The following GLIS3 variants were observed in gnomAD, a reference collection of about 807,000 sequenced individuals.
GLIS3 encodes zinc finger protein GLIS3.
Under a neutral mutation model 78.6 loss-of-function variants are expected in GLIS3, and 53 were observed. The ratio of observed to expected loss-of-function variants is 0.67; its 90% confidence interval spans 0.54 to 0.85. The LOEUF is 0.85. Among genes scored for constraint, GLIS3 ranks in the 40% least tolerant of loss-of-function variants. The pLI, the probability that GLIS3 is intolerant of heterozygous loss-of-function variation, is 0.00. For missense variants in GLIS3, 1,703 were observed against 1,231.1 expected, an observed-to-expected ratio of 1.38 and a Z score of -5.74; for synonymous variants, 684 against 509.9, an observed-to-expected ratio of 1.34 and a Z score of -4.60.
chr9:3,988,637 T>A (rs982296440), intron 4 of GLIS3, among the ~76,000 whole-genome samples: 1 of 152,008 alleles, frequency 6.6e-6, no homozygotes, highest in African/African-American at 2.4e-5. Flanking sequence ...CAAAGATGCA[T>A]AATCAACTCA....
intron 2 of GLIS3, among the ~76,000 whole-genome samples, chr9:4,334,900 C>G (rs1817734729): frequency 7.1e-6 from 1 of 141,250 alleles, no homozygotes; most frequent in African/African-American, 2.6e-5. Context: ...GAAATCATTT[C>G]CACCTTTTTT....
chr9:4,199,568 T>TAA (rs796611550), intron 2 of GLIS3, among the ~76,000 whole-genome samples: 6 of 144,822 alleles, frequency 4.1e-5, no homozygotes, highest in African/African-American at 1.5e-4. Context: ...AGGTAATACA[T>TAA]AAAAAAAAAA....
chr9:3,959,580 C>G (rs1264182750), intron 4 of GLIS3, among the ~76,000 whole-genome samples: 1 of 152,086 alleles, frequency 6.6e-6, no homozygotes, highest in African/African-American at 2.4e-5. Flanking sequence ...GTGACAAAAT[C>G]CCTTCCCTCA....
At chr9:4,194,241 G>C (rs1435256664) in intron 2 of GLIS3, among the ~76,000 whole-genome samples, 1 of 151,918 alleles carries the variant, frequency 6.6e-6, no homozygotes, top group African/African-American at 2.4e-5. Flanking sequence ...TTGTATTTTA[G>C]TAGAGACGGG....
chr9:4,047,467 T>A (rs1052524095), intron 4 of GLIS3, among the ~76,000 whole-genome samples: 4 of 152,194 alleles, frequency 2.6e-5, no homozygotes, highest in Admixed American at 2.6e-4. Context: ...TCTGTTCATT[T>A]CACTAATTTC....
intron 2 of GLIS3, among the ~76,000 whole-genome samples, chr9:4,263,161 A>G (rs997765743): frequency 2.6e-5 from 4 of 152,314 alleles, no homozygotes; most frequent in Non-Finnish European, 5.9e-5. Context: ...CCCTTTTAAA[A>G]GTGTTCCACA....
At chr9:4,357,670 A>T in the GLIS3 span, among the ~76,000 whole-genome samples, 1 of 152,074 alleles carries the variant, frequency 6.6e-6, no homozygotes, top group Non-Finnish European at 1.5e-5. Context: ...ACATCATTCA[A>T]CTTTCAACTT....
intron 4 of GLIS3, among the ~76,000 whole-genome samples, chr9:4,105,312 G>A (rs1452447784): frequency 2.0e-5 from 3 of 152,184 alleles, no homozygotes; most frequent in African/African-American, 7.2e-5. Context: ...TCTTGGCTAA[G>A]TGAGAATCCA....
the GLIS3 span, among the ~76,000 whole-genome samples, chr9:4,366,625 A>C: frequency 6.6e-6 from 1 of 152,198 alleles, no homozygotes; most frequent in Non-Finnish European, 1.5e-5. Context: ...TTCCTGTAAG[A>C]GAGCTGTTTT....
chr9:4,256,436 T>G (rs1322320193), intron 2 of GLIS3, among the ~76,000 whole-genome samples: 1 of 152,216 alleles, frequency 6.6e-6, no homozygotes, highest in Non-Finnish European at 1.5e-5. Flanking sequence ...TAAAGACATC[T>G]AATTTTTCAC....
intron 4 of GLIS3, among the ~76,000 whole-genome samples, chr9:3,971,030 C>G (rs1258720289): frequency 6.8e-6 from 1 of 147,382 alleles, no homozygotes; most frequent in Admixed American, 6.9e-5. Flanking sequence ...GAGGATCGAT[C>G]AAAGGAAAGA....
chr9:4,216,489 A>G (rs1056012050), intron 2 of GLIS3, among the ~76,000 whole-genome samples: 1 of 150,474 alleles, frequency 6.6e-6, no homozygotes, highest in African/African-American at 2.5e-5. Context: ...CAAAAAAAAA[A>G]AAAGAAAAGA....
rs182095523 is a variant in GLIS3, at chr9:4,250,802, G to T, written c.388+35236C>A. On this transcript the variant is annotated intron_variant, in intron 2 of 10. Transcript: ENST00000381971. ...CTTTAGCTGTGTCCCAGAGATTCTGGTACGTTGTGTCTTTGTTCTCATTGG... is the reference window on the plus strand; with the variant it reads ...CTTTAGCTGTGTCCCAGAGATTCTGTTACGTTGTGTCTTTGTTCTCATTGG... Among the ~76,000 whole-genome samples the T allele has an allele frequency of 6.4e-4, 97 of 152,228 alleles. 1 individual carries two copies. The East Asian group carries it at 0.011, about 17-fold the overall frequency.
intron 2 of GLIS3, among the ~76,000 whole-genome samples, chr9:4,180,716 T>G (rs1023973898): frequency 6.6e-6 from 1 of 152,212 alleles, no homozygotes; most frequent in African/African-American, 2.4e-5. Context: ...TGTGCATTGA[T>G]TTTATTTTAC....
intron 9 of GLIS3, among the ~76,000 whole-genome samples, chr9:3,841,958 G>A (rs1437790149): frequency 6.6e-6 from 1 of 152,166 alleles, no homozygotes; most frequent in African/African-American, 2.4e-5. Context: ...TTTGACCAGG[G>A]CTACTTGGAC....
intron 4 of GLIS3, among the ~76,000 whole-genome samples, chr9:4,093,948 G>T (rs1050171875): frequency 7.9e-5 from 12 of 152,094 alleles, no homozygotes; most frequent in Non-Finnish European, 1.8e-4. Context: ...ACTGTGTATT[G>T]AATCGATAAT....
At chr9:4,002,285 C>G (rs1033590461) in intron 4 of GLIS3, among the ~76,000 whole-genome samples, 2 of 152,134 alleles carry the variant, frequency 1.3e-5, no homozygotes, top group African/African-American at 2.4e-5. Context: ...TTCAGAGCCT[C>G]CAGAAGGAAC....
the GLIS3 span, among the ~76,000 whole-genome samples, chr9:4,385,762 A>G: frequency 2.1e-5 from 1 of 48,220 alleles, no homozygotes; most frequent in African/African-American, 1.0e-4. Flanking sequence ...AGAAAGAAAG[A>G]AAGAAAGAAA....
chr9:3,914,867 C>T (rs1824394296), intron 6 of GLIS3, among the ~76,000 whole-genome samples: 1 of 152,210 alleles, frequency 6.6e-6, no homozygotes, highest in African/African-American at 2.4e-5. Flanking sequence ...CAGTCTTTAG[C>T]ACTGCCCCAA....
Sources: gnomAD v4.1 joint callset for allele counts (sites outside exome capture counted in the v4.1 genomes callset) on GRCh38, gnomAD v4.1.1 for gene constraint, MANE v1.5 for transcripts, NCBI Gene and HGNC (gene_info 2026-07-23, HGNC 2026-07-21) for gene names.